ZEB2: variants seen among roughly 807,000 people sequenced by gnomAD.
The protein encoded by ZEB2 is zinc finger E-box-binding homeobox 2.
Under a neutral mutation model 99.9 loss-of-function variants are expected in ZEB2, and 6 were observed. The ratio of observed to expected loss-of-function variants is 0.06; its 90% CI spans 0.03 to 0.12. ZEB2 has a LOEUF of 0.12. Among genes scored for constraint, ZEB2 ranks in the 10% least tolerant of loss-of-function variants. The probability of loss-of-function intolerance (pLI) is 1.00; values close to 1 mark genes in which losing one functional copy is unlikely to be tolerated. For synonymous variants in ZEB2, 517 were observed against 542.5 expected (o/e 0.95, Z 0.65); for missense variants, 969 against 1,502.8 (o/e 0.64, Z 5.87).
Position 144,425,101 on chromosome 2 carries a change from T to C in ZEB2, c.332-234A>G, listed in dbSNP as rs1573739969. Reference sequence around the variant, plus strand: ...AGCTGTGAAAAACAGAAGTGCTTATTTGGAGCAAATGAAGGGCTTTTCTTC... The same window carrying C: ...AGCTGTGAAAAACAGAAGTGCTTATCTGGAGCAAATGAAGGGCTTTTCTTC... On this transcript the variant is annotated intron_variant, in intron 3 of 9. Transcript: ENST00000627532. 16 of 546,070 alleles carry C rather than the reference T, an allele frequency of 2.9e-5. No individual in the cohort carries two copies. The East Asian group carries it at 4.9e-4, about 17-fold the overall frequency. The allele number at this position is 546,070 out of a possible 1,614,324, so 33.8% of individuals were successfully genotyped here.
intron 2 of ZEB2, among the ~76,000 whole-genome samples, chr2:144,452,300 A>T (rs1480154738): frequency 6.6e-6 from 1 of 152,096 alleles, no homozygotes; most frequent in African/African-American, 2.4e-5. Context: ...CTGTATGATA[A>T]TTCTCTCCTA....
chr2:144,406,412 A>G (rs927325985), intron 4 of ZEB2, among the ~76,000 whole-genome samples: 4 of 152,236 alleles, frequency 2.6e-5, no homozygotes. Context: ...ATTATGAAAG[A>G]AAGTTATATG....
At chr2:144,416,477 A>C (rs1349690898) in intron 4 of ZEB2, among the ~76,000 whole-genome samples, 1 of 152,222 alleles carries the variant, frequency 6.6e-6, no homozygotes, top group Non-Finnish European at 1.5e-5. Context: ...TCAAGATTCC[A>C]ACTGTATTCC....
intron 2 of ZEB2, chr2:144,512,582 A>G (rs1288293855): frequency 7.8e-7 from 1 of 1,287,252 alleles, no homozygotes. Flanking sequence ...CAAATGGTGG[A>G]AGACGTGAAT....
intron 2 of ZEB2, chr2:144,482,432 C>G (rs1316221545): frequency 6.6e-6 from 1 of 152,196 alleles, no homozygotes; most frequent in African/African-American, 2.4e-5. Flanking sequence ...TTTATTCTTT[C>G]GTTCTAACCA....
chr2:144,396,244 T>C (rs758464214), intron 9 of ZEB2, among the ~76,000 whole-genome samples, 168 bp downstream of exon 9: 10 of 152,166 alleles, frequency 6.6e-5, no homozygotes, highest in Non-Finnish European at 1.3e-4. Context: ...AATGATCCAA[T>C]AAACAGGCAA....
rs542141286 is a variant in ZEB2 at position 144,422,558 on chromosome 2, G to A, written c.403+2238C>T. On this transcript the variant is annotated intron_variant, in intron 4 of 9. Coordinates refer to ENST00000627532, the MANE Select transcript of ZEB2 (RefSeq NM_014795.4). ...CACATGCCTGTAATCCCGGCACTTCGGGAGGCCGAGGTGGGAGGATCACCT... is the reference window on the plus strand; with the variant it reads ...CACATGCCTGTAATCCCGGCACTTCAGGAGGCCGAGGTGGGAGGATCACCT... Among the ~76,000 whole-genome samples the A allele has an allele frequency of 2.5e-3, 377 of 152,336 alleles. 1 individual carries two copies. Among genetic ancestry groups the A allele is most frequent in the Non-Finnish European group, 4.6e-3 (312 of 68,024 alleles).
intron 2 of ZEB2, among the ~76,000 whole-genome samples, chr2:144,464,761 A>T (rs1188017351): frequency 6.6e-6 from 1 of 152,192 alleles, no homozygotes; most frequent in Non-Finnish European, 1.5e-5. Context: ...GCATTAAATT[A>T]TTTTGATATT....
chr2:144,438,889 A>C (rs770684315), intron 2 of ZEB2, among the ~76,000 whole-genome samples: 2 of 152,122 alleles, frequency 1.3e-5, no homozygotes, highest in Non-Finnish European at 2.9e-5. Context: ...GCATCATTGC[A>C]CCTCACAATT....
In ZEB2 at chr2:144,403,908, C is replaced by T. The variant is rs367991951; in HGVS notation, c.807+8G>A. 6.4e-5 allele frequency: 104 copies of T among 1,613,926 alleles called. No homozygotes were observed. The highest frequency in any genetic ancestry group is 7.9e-5 in the Non-Finnish European group (93 of 1,179,998). On this transcript the variant is annotated splice_region_variant and intron_variant, in intron 6 of 9. Coordinates refer to ENST00000627532, the MANE Select transcript of ZEB2 (RefSeq NM_014795.4). ...ATAGAAAGAAATCACTTAAAACCATCCCCCCACCTGATCTGTCCCTGGCTT... is the reference window on the plus strand; with the variant it reads ...ATAGAAAGAAATCACTTAAAACCATTCCCCCACCTGATCTGTCCCTGGCTT...
chr2:144,457,746 C>T (rs1704140173), intron 2 of ZEB2, among the ~76,000 whole-genome samples: 1 of 152,034 alleles, frequency 6.6e-6, no homozygotes, highest in South Asian at 2.1e-4. Context: ...CATGAAAACT[C>T]AACAAATTTA....
At chr2:144,418,237 C>T (rs1288338659) in intron 4 of ZEB2, among the ~76,000 whole-genome samples, 1 of 152,198 alleles carries the variant, frequency 6.6e-6, no homozygotes, top group Non-Finnish European at 1.5e-5. Flanking sequence ...TCCAGAATGT[C>T]AAAAGAACTT....
At chr2:144,468,952 T>G (rs774929912) in intron 2 of ZEB2, among the ~76,000 whole-genome samples, 4 of 151,808 alleles carry the variant, frequency 2.6e-5, no homozygotes, top group African/African-American at 4.9e-5. Context: ...TGATCATCCC[T>G]CAATTCATTC....
intron 2 of ZEB2, among the ~76,000 whole-genome samples, chr2:144,480,067 A>G (rs976697793): frequency 1.3e-5 from 2 of 152,072 alleles, no homozygotes; most frequent in Non-Finnish European, 2.9e-5. Context: ...AATAAAATAC[A>G]CTCTGAATGA....
rs546884147 is a variant in ZEB2, at chr2:144,469,700, CTCATTA to C, written c.74-39680_74-39675del. Among the ~76,000 whole-genome samples, 343 of 152,250 alleles carry C rather than the reference CTCATTA, an allele frequency of 2.3e-3. 1 individual carries two copies. The highest frequency in any genetic ancestry group is 7.7e-3 in the African/African-American group (318 of 41,562). On this transcript the variant is annotated intron_variant, in intron 2 of 9. Coordinates refer to ENST00000627532, the MANE Select transcript of ZEB2 (RefSeq NM_014795.4). ...GTGTAGCTCACTAAATTATATTTTCCTCATTATCATTATTACTTCAAAATGATCATT... is the reference window on the plus strand; with the variant it reads ...GTGTAGCTCACTAAATTATATTTTCCTCATTATTACTTCAAAATGATCATT...
intron 9 of ZEB2, among the ~76,000 whole-genome samples, chr2:144,395,789 G>T (rs1466453394): frequency 1.3e-5 from 2 of 152,050 alleles, no homozygotes; most frequent in Admixed American, 1.3e-4. Context: ...TCAACTCTTT[G>T]TAATTGTTCC....
intron 2 of ZEB2, chr2:144,494,297 A>G (rs1281069849): frequency 1.3e-5 from 2 of 152,192 alleles, no homozygotes; most frequent in African/African-American, 4.8e-5. Flanking sequence ...GGTAAAATCT[A>G]GACTGTTGAA....
chr2:144,513,264 G>A (rs1203442647), intron 2 of ZEB2: 1 of 1,288,772 alleles, frequency 7.8e-7, no homozygotes, highest in Admixed American at 2.3e-5. Flanking sequence ...ATTTTAAACA[G>A]GGATAACCAT....
At chr2:144,448,295 G>A (rs997408661) in intron 2 of ZEB2, among the ~76,000 whole-genome samples, 4 of 152,172 alleles carry the variant, frequency 2.6e-5, no homozygotes, top group Non-Finnish European at 5.9e-5. Flanking sequence ...GGGGGCACCT[G>A]CTGTGGAAAG....
Sources: allele counts gnomAD v4.1 joint callset (sites outside exome capture counted in the v4.1 genomes callset), GRCh38; gene constraint gnomAD v4.1.1; transcripts MANE v1.5; gene names NCBI Gene and HGNC (gene_info 2026-07-23, HGNC 2026-07-21).